ADARB1: variants seen among roughly 807,000 people sequenced by gnomAD.
ADARB1 encodes the protein double-stranded RNA-specific editase 1.
ADARB1 carries 10 observed loss-of-function variants against 52.4 expected under a neutral mutation model. That is an observed-to-expected ratio of 0.19 (90% CI 0.12 to 0.32). The LOEUF is 0.32. ADARB1 is among the 10% of genes least tolerant of loss of function. ADARB1 has a pLI of 1.00. For missense variants in ADARB1, 643 were observed against 922.3 expected, an observed-to-expected ratio of 0.70 and a Z score of 3.92; for synonymous variants, 349 against 371.1, an observed-to-expected ratio of 0.94 and a Z score of 0.68.
chr21:45,126,369 T>C (rs1417138884), intron 1 of ADARB1, among the ~76,000 whole-genome samples: 2 of 152,142 alleles, frequency 1.3e-5, no homozygotes, highest in Non-Finnish European at 2.9e-5. Flanking sequence ...TCTCCACTGT[T>C]TTGTTTTTTC....
chr21:45,135,448 C>G (rs1279262687), intron 2 of ADARB1, among the ~76,000 whole-genome samples: 1 of 152,236 alleles, frequency 6.6e-6, no homozygotes, highest in East Asian at 1.9e-4. Context: ...TCCAGGGAAT[C>G]TCAGAGGACT....
chr21:45,137,700 G>A (rs2089471027), intron 2 of ADARB1, among the ~76,000 whole-genome samples: 1 of 152,192 alleles, frequency 6.6e-6, no homozygotes, highest in Non-Finnish European at 1.5e-5. Flanking sequence ...CAGCCTGGTG[G>A]GTGTGGAGGG....
At chr21:45,075,102 C>A (rs1400795534) in intron 1 of ADARB1, among the ~76,000 whole-genome samples, 1 of 150,480 alleles carries the variant, frequency 6.6e-6, no homozygotes, top group African/African-American at 2.4e-5. Context: ...AGGGCAGGTG[C>A]GCCGGGACGA....
chr21:45,103,424 A>G (rs1446299728), intron 1 of ADARB1, among the ~76,000 whole-genome samples: 2 of 151,882 alleles, frequency 1.3e-5, no homozygotes, highest in Non-Finnish European at 2.9e-5. Flanking sequence ...AGCATCATGT[A>G]GAATCAGTGG....
chr21:45,217,329 T>C (rs1473461980), intron 9 of ADARB1, among the ~76,000 whole-genome samples: 1 of 152,130 alleles, frequency 6.6e-6, no homozygotes, highest in Non-Finnish European at 1.5e-5. Context: ...GTGTGTTTGA[T>C]GATTCCATTT....
chr21:45,123,901 A>T (rs1277030870), intron 1 of ADARB1, among the ~76,000 whole-genome samples: 1 of 152,106 alleles, frequency 6.6e-6, no homozygotes, highest in African/African-American at 2.4e-5. Context: ...GTGTTTGGTA[A>T]TATCCTATAT....
chr21:45,209,561 C>A (rs908542090), intron 9 of ADARB1, among the ~76,000 whole-genome samples: 1 of 152,172 alleles, frequency 6.6e-6, no homozygotes, highest in African/African-American at 2.4e-5. Context: ...CTCTGCCCTA[C>A]CCCAAGGACA....
chr21:45,132,499 T>C (rs561990122), intron 2 of ADARB1, among the ~76,000 whole-genome samples: 11 of 152,310 alleles, frequency 7.2e-5, no homozygotes, highest in African/African-American at 2.2e-4. Flanking sequence ...TTCTTTAACT[T>C]GAGGCCCTCA....
intron 1 of ADARB1, among the ~76,000 whole-genome samples, chr21:45,108,374 A>G (rs2145739361): frequency 6.6e-6 from 1 of 152,334 alleles, no homozygotes; most frequent in East Asian, 1.9e-4. Flanking sequence ...TTAATTGGAA[A>G]TGGTGTATTA....
chr21:45,108,207 T>C (rs563631222), intron 1 of ADARB1, among the ~76,000 whole-genome samples: 1 of 152,118 alleles, frequency 6.6e-6, no homozygotes, highest in African/African-American at 2.4e-5. Flanking sequence ...TCTAGGAAAA[T>C]GGGAAAAAGG....
At chr21:45,191,866 ATATATATATATATATTTTTTTTTTTT>A (rs1362492594) in intron 8 of ADARB1, among the ~76,000 whole-genome samples, 13 of 13,710 alleles carry the variant, frequency 9.5e-4, no homozygotes, top group African/African-American at 2.7e-3. Context: ...ATATATATAT[ATATATATATATATATTTTTTTTTTTT>A]TTTTTTTTTT....
rs546710925 is a variant in ADARB1 at position 45,210,393 on chromosome 21, G to A, written c.1747+5657G>A. Among the ~76,000 whole-genome samples the A allele has an allele frequency of 2.5e-4, 38 of 152,294 alleles. No homozygotes were observed. In the South Asian group the frequency reaches 2.7e-3, roughly 11 times the overall value. The stretch of plus-strand genomic sequence containing the variant: ...GTGTCTTCTAAACTCGAGATCCTAC[G>A]GAGTGCAGTTTGCTTGTTTTTAAAT... On this transcript the variant is annotated intron_variant, in intron 9 of 10. Transcript: ENST00000348831.
intron 1 of ADARB1, among the ~76,000 whole-genome samples, chr21:45,081,562 G>A (rs955021757): frequency 6.6e-6 from 1 of 152,186 alleles, no homozygotes; most frequent in African/African-American, 2.4e-5. Flanking sequence ...GCTTTTTCAG[G>A]TTAGGATGTC....
At chr21:45,188,658 G>A (rs987824847) in intron 8 of ADARB1, among the ~76,000 whole-genome samples, 3 of 151,650 alleles carry the variant, frequency 2.0e-5, no homozygotes, top group African/African-American at 7.3e-5. Context: ...CTTTTGATTG[G>A]GGAGTTTATT....
At chr21:45,085,038 A>G (rs893868377) in intron 1 of ADARB1, among the ~76,000 whole-genome samples, 1 of 152,164 alleles carries the variant, frequency 6.6e-6, no homozygotes, top group African/African-American at 2.4e-5. Context: ...CCCTGGGATC[A>G]TGTGCAGTGA....
intron 4 of ADARB1, among the ~76,000 whole-genome samples, chr21:45,178,104 A>G (rs1265110277): frequency 1.3e-5 from 2 of 152,224 alleles, no homozygotes; most frequent in Non-Finnish European, 2.9e-5. Context: ...ATATAAGACC[A>G]TTGAAATGAC....
chr21:45,196,972 G>A (rs544146096), intron 8 of ADARB1, among the ~76,000 whole-genome samples: 34 of 152,228 alleles, frequency 2.2e-4, no homozygotes, highest in African/African-American at 6.3e-4. Flanking sequence ...CAGATGGATC[G>A]CTTGAGGTCA....
chr21:45,130,839 A>T (rs1424580707), intron 2 of ADARB1, among the ~76,000 whole-genome samples: 3 of 152,052 alleles, frequency 2.0e-5, no homozygotes, highest in Non-Finnish European at 2.9e-5. Context: ...TATACATGAG[A>T]TTATCTTCTG....
chr21:45,191,878 A>ATT (rs2092305087), intron 8 of ADARB1, among the ~76,000 whole-genome samples: 2 of 15,750 alleles, frequency 1.3e-4, no homozygotes, highest in African/African-American at 2.5e-4. Context: ...ATATATATAT[A>ATT]TATTTTTTTT....
Sources: allele counts gnomAD v4.1 joint callset (sites outside exome capture counted in the v4.1 genomes callset), GRCh38; gene constraint gnomAD v4.1.1; transcripts MANE v1.5; gene names NCBI Gene and HGNC (gene_info 2026-07-23, HGNC 2026-07-21).